Variants in SGCZ observed in about 807,000 individuals in gnomAD.
The protein encoded by SGCZ is sarcoglycan zeta.
In SGCZ, 40 loss-of-function variants were observed where a neutral mutation model predicts 41.3. That is an observed-to-expected ratio of 0.97 (90% confidence interval 0.75 to 1.26). SGCZ has a LOEUF of 1.26. Among genes scored for constraint, SGCZ ranks in the 50% most tolerant of loss-of-function variants. The probability of loss-of-function intolerance (pLI) is 0.00; values close to 1 mark genes in which losing one functional copy is unlikely to be tolerated. For synonymous variants in SGCZ, 206 were observed against 137.5 expected (o/e 1.50, Z -3.49); for missense variants, 552 against 369.8 (o/e 1.49, Z -4.04).
At chr8:15,001,750 A>AAG (rs1802429900) in intron 1 of SGCZ, among the ~76,000 whole-genome samples, 2 of 150,238 alleles carry the variant, frequency 1.3e-5, no homozygotes, top group East Asian at 1.9e-4. Flanking sequence ...AAAAAAAAAA[A>AAG]AGAGAAAAAA....
chr8:14,945,512 C>A (rs1297946423), intron 1 of SGCZ, among the ~76,000 whole-genome samples: 1 of 152,024 alleles, frequency 6.6e-6, no homozygotes. Context: ...TATTTTGGAT[C>A]AAGACTACTA....
chr8:14,457,920 T>C (rs538652884), intron 2 of SGCZ, among the ~76,000 whole-genome samples: 1 of 152,230 alleles, frequency 6.6e-6, no homozygotes, highest in East Asian at 1.9e-4. Context: ...CAGCTGCCTT[T>C]CCTCTTGTCT....
intron 1 of SGCZ, among the ~76,000 whole-genome samples, chr8:14,713,725 C>T (rs1809597122): frequency 6.6e-6 from 1 of 150,472 alleles, no homozygotes; most frequent in South Asian, 2.1e-4. Flanking sequence ...AAGGATAATA[C>T]AGGTTATTTA....
intron 1 of SGCZ, among the ~76,000 whole-genome samples, chr8:14,605,520 T>G (rs1017975755): frequency 3.4e-4 from 52 of 152,118 alleles, no homozygotes; most frequent in Non-Finnish European, 6.8e-4. Flanking sequence ...TTCTATTTTT[T>G]TGTACCCATT....
In SGCZ at chr8:14,511,799, T is replaced by C. The variant is rs556901956; in HGVS notation, c.234+42933A>G. 5.3e-5 allele frequency among the ~76,000 whole-genome samples: 8 copies of C among 152,270 alleles called. No homozygotes were observed. In the East Asian group the frequency reaches 9.7e-4, roughly 18 times the overall value. ...TTCCCAAATTCCCCACCAACTCTTC[T>C]GGAATTTCAGGATATTTGCTAGGTT... On this transcript the variant is annotated intron_variant, in intron 2 of 7. Coordinates refer to ENST00000382080, the MANE Select transcript of SGCZ (RefSeq NM_139167.4).
intron 1 of SGCZ, among the ~76,000 whole-genome samples, chr8:14,947,193 C>A (rs550736388): frequency 2.6e-5 from 4 of 152,234 alleles, no homozygotes; most frequent in African/African-American, 9.6e-5. Context: ...CTGTTCCTGC[C>A]GTAAGCGAAG....
intron 5 of SGCZ, among the ~76,000 whole-genome samples, chr8:14,135,125 A>C (rs117024170): frequency 6.6e-6 from 1 of 152,346 alleles, no homozygotes; most frequent in East Asian, 1.9e-4. Flanking sequence ...CATTAACAGG[A>C]TAAATTCCAT....
chr8:14,170,016 C>T (rs10100416), intron 4 of SGCZ, among the ~76,000 whole-genome samples: 1,994 of 151,910 alleles, frequency 0.013, 36 homozygotes, highest in African/African-American at 0.044. Context: ...CCCAGGAATA[C>T]TTGAATACTT....
intron 7 of SGCZ, among the ~76,000 whole-genome samples, chr8:14,096,757 T>TATTA (rs1801858381): frequency 6.6e-6 from 1 of 152,192 alleles, no homozygotes. Flanking sequence ...GTTGGTAGGC[T>TATTA]ATTAATTATT....
chr8:15,179,945 T>C (rs1385744489), intron 1 of SGCZ, among the ~76,000 whole-genome samples: 2 of 152,184 alleles, frequency 1.3e-5, no homozygotes, highest in African/African-American at 4.8e-5. Flanking sequence ...AGTCATCAAA[T>C]GTGCCAACTC....
At chr8:14,770,344 C>T (rs1244694027) in intron 1 of SGCZ, among the ~76,000 whole-genome samples, 2 of 151,038 alleles carry the variant, frequency 1.3e-5, no homozygotes, top group African/African-American at 2.4e-5. Flanking sequence ...CATAATAGTT[C>T]GTCAAGCAAT....
intron 2 of SGCZ, among the ~76,000 whole-genome samples, chr8:14,467,053 T>G (rs1801071396): frequency 6.6e-6 from 1 of 151,910 alleles, no homozygotes; most frequent in African/African-American, 2.4e-5. Context: ...TACTGGTTTT[T>G]GTTTTTGCTT....
intron 1 of SGCZ, among the ~76,000 whole-genome samples, chr8:15,113,439 C>G (rs1444068117): frequency 6.6e-6 from 1 of 152,050 alleles, no homozygotes; most frequent in Non-Finnish European, 1.5e-5. Context: ...ACTGCTCTGC[C>G]TTCACAATGG....
intron 1 of SGCZ, among the ~76,000 whole-genome samples, chr8:14,958,810 T>G (rs1230314679): frequency 6.6e-6 from 1 of 152,078 alleles, no homozygotes; most frequent in East Asian, 1.9e-4. Context: ...GCAACTTATT[T>G]TTAAATGAAT....
chr8:15,205,740 G>C (rs933846952), intron 1 of SGCZ, among the ~76,000 whole-genome samples: 3 of 152,122 alleles, frequency 2.0e-5, no homozygotes, highest in Non-Finnish European at 4.4e-5. Context: ...ACTACCATTC[G>C]CCTCAGCAAT....
At position 14,718,780 on chromosome 8, in the gene SGCZ, G is replaced by T. The variant is rs1426234505; in HGVS notation, c.40-163854C>A. The stretch of plus-strand genomic sequence containing the variant: ...GCAATGGAGAAGAAAGAAATGAACA[G>T]TTTAGAAATCCCTTCTTCTTACTTC... On this transcript the variant is annotated intron_variant, in intron 1 of 7. Transcript: ENST00000382080. Among the ~76,000 whole-genome samples the T allele has an allele frequency of 2.0e-5, 3 of 151,128 alleles. No individual in the cohort carries two copies. In the South Asian group the frequency reaches 6.2e-4, roughly 31 times the overall value.
At chr8:14,185,381 C>T (rs1804870162) in intron 4 of SGCZ, among the ~76,000 whole-genome samples, 1 of 151,886 alleles carries the variant, frequency 6.6e-6, no homozygotes, top group African/African-American at 2.4e-5. Context: ...CCAGCCTGGG[C>T]AACAGAGCAA....
rs534610940 is a variant in SGCZ, at chr8:14,337,583, T to A, written c.235-13379A>T. Among the ~76,000 whole-genome samples, 4 of 152,098 alleles carry A rather than the reference T, an allele frequency of 2.6e-5. No homozygotes were observed. In the East Asian group the frequency reaches 7.7e-4, roughly 29 times the overall value. The stretch of plus-strand genomic sequence containing the variant: ...GTTAAGTCAGGTTAAAATACCAGAA[T>A]TGCTATGGCAGATGGTGAAAAAGAG... On this transcript the variant is annotated intron_variant, in intron 2 of 7. Coordinates refer to ENST00000382080, the MANE Select transcript of SGCZ (RefSeq NM_139167.4).
chr8:14,950,814 T>C (rs898219687), intron 1 of SGCZ, among the ~76,000 whole-genome samples: 3 of 152,022 alleles, frequency 2.0e-5, no homozygotes, highest in African/African-American at 7.2e-5. Context: ...ATATTACCCA[T>C]AATGAAATTG....
Sources: gnomAD v4.1 joint callset for allele counts (sites outside exome capture counted in the v4.1 genomes callset) on GRCh38, gnomAD v4.1.1 for gene constraint, MANE v1.5 for transcripts, NCBI Gene and HGNC (gene_info 2026-07-23, HGNC 2026-07-21) for gene names.